Variants in RAB27B observed in about 807,000 individuals in gnomAD.
The protein encoded by RAB27B is RAB27B, member RAS oncogene family.
RAB27B carries 15 observed loss-of-function variants against 24.6 expected under a neutral mutation model. The ratio of observed to expected loss-of-function variants is 0.61; its 90% CI spans 0.41 to 0.94. RAB27B has a LOEUF of 0.94. Ranked by LOEUF, RAB27B falls within the 40% of genes least tolerant of loss-of-function variation. The pLI is 0.00. For missense variants in RAB27B, 261 were observed against 266.8 expected (o/e 0.98, Z 0.15); for synonymous variants, 105 against 92.5 (o/e 1.14, Z -0.78).
At chr18:54,777,576 T>C (rs1194587553) in intron 2 of RAB27B, among the ~76,000 whole-genome samples, 1 of 152,232 alleles carries the variant, frequency 6.6e-6, no homozygotes, top group Non-Finnish European at 1.5e-5. Context: ...TTGTTTTAAG[T>C]AATCAGAGAA....
intron 5 of RAB27B, 22 bp downstream of exon 5, chr18:54,888,140 G>A (rs1202480089): frequency 1.2e-6 from 2 of 1,610,492 alleles, no homozygotes; most frequent in African/African-American, 2.7e-5. Flanking sequence ...ACACTGAGAT[G>A]GCATGTGACT....
Position 54,891,915 on chromosome 18 carries a change from G to T in RAB27B, c.*2502G>T, listed in dbSNP as rs1416816905. On this transcript the variant is annotated 3_prime_UTR_variant, in exon 6 of 6. Coordinates refer to ENST00000262094, the MANE Select transcript of RAB27B (RefSeq NM_004163.4). ...AATATTGTTCTACTTATAAATAAAT[G>T]CTTGATATAAAAAATTTTCTCCATA... The T allele has an allele frequency of 6.6e-6, 1 of 152,004 alleles. No homozygotes were observed. The highest frequency in any genetic ancestry group is 1.5e-5 in the Non-Finnish European group (1 of 67,954). 9.4% of individuals were successfully genotyped at this position (152,004 alleles called of 1,614,324 possible). A position where few individuals can be genotyped will look rare whatever the true frequency, so the allele number is the denominator to read the frequency against.
At chr18:54,775,163 G>A (rs1279862827) in intron 2 of RAB27B, among the ~76,000 whole-genome samples, 3 of 152,100 alleles carry the variant, frequency 2.0e-5, no homozygotes, top group African/African-American at 4.8e-5. Context: ...CTTCTTTGGC[G>A]TGGCATCTTC....
chr18:54,784,024 CAAAG>C (rs980116285), intron 2 of RAB27B, among the ~76,000 whole-genome samples: 18 of 152,154 alleles, frequency 1.2e-4, no homozygotes, highest in African/African-American at 4.1e-4. Context: ...AGACAGTTTT[CAAAG>C]ACAAGGGTAC....
intron 1 of RAB27B, among the ~76,000 whole-genome samples, chr18:54,875,255 A>T (rs1192310605): frequency 6.6e-6 from 1 of 152,142 alleles, no homozygotes; most frequent in African/African-American, 2.4e-5. Context: ...AAACCAGGGA[A>T]GGTCGATGCT....
At position 54,799,614 on chromosome 18, in the gene RAB27B, A is replaced by ATTTTTTTTTTTTT. The variant is rs869256244; in HGVS notation, c.-19-77931_-19-77919dup. On this transcript the variant is annotated intron_variant, in intron 2 of 4. Coordinates refer to the RAB27B transcript ENST00000586570. ...AAATATCAGAATATATAATAAAATG[A>ATTTTTTTTTTTTT]TTTTTTTTTTTTTTTTTTTTTTTTT... Among the ~76,000 whole-genome samples the ATTTTTTTTTTTTT allele has an allele frequency of 3.0e-5, 2 of 67,578 alleles. 1 individual carries two copies. Among genetic ancestry groups the ATTTTTTTTTTTTT allele is most frequent in the African/African-American group, 1.2e-4 (2 of 16,616 alleles). 44.3% of individuals were successfully genotyped at this position (67,578 alleles called of 152,430 possible). A position where few individuals can be genotyped will look rare whatever the true frequency, so the allele number is the denominator to read the frequency against.
intron 2 of RAB27B, among the ~76,000 whole-genome samples, chr18:54,878,520 C>T (rs1912795985): frequency 6.6e-6 from 1 of 152,096 alleles, no homozygotes; most frequent in Admixed American, 6.6e-5. Context: ...GAAGTTGAAT[C>T]ACGGTTTTTT....
intron 2 of RAB27B, among the ~76,000 whole-genome samples, chr18:54,806,104 G>A (rs1409901324): frequency 6.6e-6 from 1 of 152,138 alleles, no homozygotes; most frequent in Non-Finnish European, 1.5e-5. Flanking sequence ...TTCCTTTAAA[G>A]ATATAAAACA....
chr18:54,889,688 T>C lies in RAB27B; in HGVS notation c.*275T>C. On this transcript the variant is annotated 3_prime_UTR_variant, in exon 6 of 6. Coordinates refer to ENST00000262094, the MANE Select transcript of RAB27B (RefSeq NM_004163.4). ...TTTTTTCTTATAGAGAAAATGAGTA[T>C]ATAAGACAATATACAAGAAGAAATA... is the stretch of plus-strand genomic sequence containing the variant. 4.0e-6 allele frequency: 1 copy of C among 251,872 alleles called. No individual in the cohort carries two copies. Among genetic ancestry groups the C allele is most frequent in the Non-Finnish European group, 7.5e-6 (1 of 132,886 alleles). The allele number at this position is 251,872 out of a possible 1,614,324, so 15.6% of individuals were successfully genotyped here. A position where few individuals can be genotyped will look rare whatever the true frequency, so the allele number is the denominator to read the frequency against.
chr18:54,859,126 C>G (rs1157584929), intron 1 of RAB27B, among the ~76,000 whole-genome samples: 1 of 152,166 alleles, frequency 6.6e-6, no homozygotes, highest in African/African-American at 2.4e-5. Flanking sequence ...TAACATACCC[C>G]AGTCTGTGTC....
intron 2 of RAB27B, among the ~76,000 whole-genome samples, chr18:54,813,047 A>T (rs117686192): frequency 0.015 from 2,218 of 152,300 alleles, 13 homozygotes; most frequent in Middle Eastern, 0.027. Flanking sequence ...AAATATGCTA[A>T]CACCTTGTTC....
intron 2 of RAB27B, among the ~76,000 whole-genome samples, chr18:54,803,275 T>C (rs925211927): frequency 1.3e-5 from 2 of 152,072 alleles, no homozygotes; most frequent in Non-Finnish European, 2.9e-5. Context: ...TTGAGCAGAA[T>C]TGGGAGTTGG....
intron 2 of RAB27B, among the ~76,000 whole-genome samples, chr18:54,746,920 T>C (rs964132738): frequency 1.3e-5 from 2 of 152,182 alleles, no homozygotes; most frequent in African/African-American, 2.4e-5. Flanking sequence ...CAAACCAACC[T>C]TTATCTAAGA....
chr18:54,771,310 C>T (rs376389436), intron 2 of RAB27B, among the ~76,000 whole-genome samples: 3 of 152,294 alleles, frequency 2.0e-5, no homozygotes, highest in Admixed American at 6.5e-5. Flanking sequence ...TTTGCAATAA[C>T]ATGAGTTTGT....
intron 2 of RAB27B, among the ~76,000 whole-genome samples, chr18:54,720,513 A>G (rs1909326869): frequency 6.6e-6 from 1 of 152,162 alleles, no homozygotes; most frequent in Non-Finnish European, 1.5e-5. Flanking sequence ...AGACATTTCT[A>G]AAAGACAGAT....
chr18:54,851,637 G>T (rs1232626600), intron 1 of RAB27B, among the ~76,000 whole-genome samples: 1 of 152,046 alleles, frequency 6.6e-6, no homozygotes, highest in Non-Finnish European at 1.5e-5. Flanking sequence ...CCTGGCATCA[G>T]TAAATTATTA....
intron 2 of RAB27B, among the ~76,000 whole-genome samples, chr18:54,808,972 T>G (rs1909879141): frequency 6.6e-6 from 1 of 152,232 alleles, no homozygotes; most frequent in African/African-American, 2.4e-5. Context: ...TGTAACCCAG[T>G]GTCCACAGAA....
intron 1 of RAB27B, among the ~76,000 whole-genome samples, chr18:54,833,799 T>C (rs999212375): frequency 3.3e-5 from 5 of 152,222 alleles, no homozygotes; most frequent in African/African-American, 1.2e-4. Flanking sequence ...TGCTGAATTC[T>C]TAACCTGGGA....
chr18:54,845,662 G>T (rs1026554205), intron 1 of RAB27B, among the ~76,000 whole-genome samples: 1 of 152,018 alleles, frequency 6.6e-6, no homozygotes, highest in Non-Finnish European at 1.5e-5. Flanking sequence ...CTAGCCTTTT[G>T]CATATTGCTA....
Sources: gnomAD v4.1 joint callset for allele counts (sites outside exome capture counted in the v4.1 genomes callset) on GRCh38, gnomAD v4.1.1 for gene constraint, MANE v1.5 for transcripts, NCBI Gene and HGNC (gene_info 2026-07-23, HGNC 2026-07-21) for gene names.